The following DPYS variants were observed in gnomAD, a reference collection of about 807,000 sequenced individuals.
DPYS encodes the protein dihydropyrimidine amidohydrolase.
Under a neutral mutation model 50.3 loss-of-function variants are expected in DPYS, and 39 were observed. The ratio of observed to expected loss-of-function variants is 0.78; its 90% CI spans 0.60 to 1.01. The LOEUF is 1.01. Among genes scored for constraint, DPYS ranks in the 50% least tolerant of loss-of-function variants. The pLI is 0.00. For missense variants in DPYS, 659 were observed against 680.9 expected, an observed-to-expected ratio of 0.97 and a Z score of 0.36; for synonymous variants, 245 against 250.7, an observed-to-expected ratio of 0.98 and a Z score of 0.22.
intron 1 of DPYS, 125 bp downstream of exon 1, chr8:104,466,532 C>T: frequency 8.7e-7 from 1 of 1,146,120 alleles, no homozygotes; most frequent in Non-Finnish European, 1.2e-6. Context: ...TGCGCTCCTT[C>T]CCGCCCACCC....
intron 8 of DPYS, 32 bp from the exon 9 acceptor site, chr8:104,381,346 G>A: frequency 6.3e-7 from 1 of 1,599,516 alleles, no homozygotes; most frequent in East Asian, 2.2e-5. Context: ...CTCTCTTGTG[G>A]TTTATTTTCT....
chr8:104,412,705 T>C (rs1295783045), intron 7 of DPYS, among the ~76,000 whole-genome samples: 1 of 152,112 alleles, frequency 6.6e-6, no homozygotes, highest in African/African-American at 2.4e-5. Context: ...CACTGTCTGA[T>C]TGGTGGGCTT....
Position 104,444,372 on chromosome 8 carries a change from C to T in DPYS, c.669G>A (p.Glu223=), listed in dbSNP as rs769788615. 1 of 1,614,260 alleles carries T rather than the reference C, an allele frequency of 6.2e-7. No individual in the cohort carries two copies. The highest frequency in any genetic ancestry group is 1.1e-5 in the South Asian group (1 of 91,092). ...TCAGCGTGGCCTCTGCCTCCACTGC[C>T]TCTGGGCGGCACAGCTCGTGGCCCT... ...GPEGHELCRP[E]AVEAEATLRA... The change falls in exon 4 of 10, where the codon GAG becomes GAA. Residue 223 remains glutamate, a synonymous_variant. Coordinates refer to ENST00000351513, the MANE Select transcript of DPYS (RefSeq NM_001385.3).
At chr8:104,421,774 A>AAT (rs982814023) in intron 7 of DPYS, among the ~76,000 whole-genome samples, 1 of 150,510 alleles carries the variant, frequency 6.6e-6, no homozygotes, top group Non-Finnish European at 1.5e-5. Context: ...TTAAGCAGGT[A>AAT]ATATATATAG....
At chr8:104,388,157 T>C (rs1158321619) in intron 8 of DPYS, among the ~76,000 whole-genome samples, 4 of 152,224 alleles carry the variant, frequency 2.6e-5, no homozygotes, top group Non-Finnish European at 5.9e-5. Context: ...ATTTCAGAAA[T>C]GGAGAATACC....
intron 1 of DPYS, among the ~76,000 whole-genome samples, chr8:104,457,320 G>A (rs781531743): frequency 1.3e-5 from 2 of 152,174 alleles, no homozygotes; most frequent in African/African-American, 2.4e-5. Flanking sequence ...GAGGACTCAC[G>A]TCCCAGTCCC....
chr8:104,437,373 C>T (rs1015100963), intron 4 of DPYS, among the ~76,000 whole-genome samples: 5 of 152,170 alleles, frequency 3.3e-5, no homozygotes, highest in Admixed American at 6.5e-5. Context: ...GGCCAAAACC[C>T]ACCAAAACCA....
intron 7 of DPYS, chr8:104,411,964 G>A (rs1812197298): frequency 6.6e-6 from 1 of 152,156 alleles, no homozygotes; most frequent in African/African-American, 2.4e-5. Flanking sequence ...GTTAGACAAA[G>A]GAAATTAGGC....
chr8:104,418,438 A>G (rs1230089581), intron 7 of DPYS, among the ~76,000 whole-genome samples: 1 of 152,222 alleles, frequency 6.6e-6, no homozygotes, highest in Non-Finnish European at 1.5e-5. Context: ...AGAAGAAAAA[A>G]AAACCGTATA....
chr8:104,431,732 A>T (rs1812963179), intron 4 of DPYS, among the ~76,000 whole-genome samples: 1 of 152,156 alleles, frequency 6.6e-6, no homozygotes, highest in African/African-American at 2.4e-5. Flanking sequence ...ATCTCATTTG[A>T]CCTTCATAGC....
intron 1 of DPYS, among the ~76,000 whole-genome samples, chr8:104,463,140 T>C (rs1294197417): frequency 6.6e-6 from 1 of 152,238 alleles, no homozygotes; most frequent in Non-Finnish European, 1.5e-5. Context: ...AAACAGCTAT[T>C]GGTCTAAACT....
chr8:104,420,215 G>A (rs1036750910), intron 7 of DPYS: 2 of 152,154 alleles, frequency 1.3e-5, no homozygotes, highest in Admixed American at 1.3e-4. Flanking sequence ...AGCTATGGAT[G>A]ATTCATGGAC....
intron 8 of DPYS, among the ~76,000 whole-genome samples, chr8:104,386,113 A>G (rs920894978): frequency 2.0e-5 from 3 of 152,266 alleles, no homozygotes; most frequent in African/African-American, 4.8e-5. Flanking sequence ...GACAGAAATG[A>G]AAATTATATA....
intron 4 of DPYS, among the ~76,000 whole-genome samples, chr8:104,434,747 C>G (rs762199567): frequency 6.6e-6 from 1 of 152,140 alleles, no homozygotes. Flanking sequence ...ACCTAGCATG[C>G]GCTTGGCATC....
intron 8 of DPYS, among the ~76,000 whole-genome samples, chr8:104,388,270 G>T (rs1364574808): frequency 6.6e-6 from 1 of 152,102 alleles, no homozygotes; most frequent in African/African-American, 2.4e-5. Flanking sequence ...AGCTTTGGCA[G>T]CAGTATTCTG....
intron 1 of DPYS, among the ~76,000 whole-genome samples, chr8:104,456,968 C>G (rs1303288011): frequency 6.6e-6 from 1 of 152,084 alleles, no homozygotes; most frequent in South Asian, 2.1e-4. Context: ...AGGAGTTATC[C>G]CTTATCCAAG....
intron 8 of DPYS, among the ~76,000 whole-genome samples, chr8:104,386,234 T>C (rs1811208760): frequency 6.6e-6 from 1 of 152,182 alleles, no homozygotes; most frequent in Non-Finnish European, 1.5e-5. Context: ...AAGTTGATAG[T>C]AAATTTAATC....
intron 1 of DPYS, among the ~76,000 whole-genome samples, chr8:104,454,924 A>T (rs894424045): frequency 6.6e-6 from 1 of 152,164 alleles, no homozygotes; most frequent in African/African-American, 2.4e-5. Context: ...TTTGTGCACC[A>T]TGATGCTCTA....
intron 4 of DPYS, among the ~76,000 whole-genome samples, chr8:104,432,768 A>C (rs1812998213): frequency 6.6e-6 from 1 of 152,174 alleles, no homozygotes; most frequent in South Asian, 2.1e-4. Context: ...ATGGGATCAT[A>C]GTGTCCCTCT....
Sources: gnomAD v4.1 joint callset for allele counts (sites outside exome capture counted in the v4.1 genomes callset) on GRCh38, gnomAD v4.1.1 for gene constraint, MANE v1.5 for transcripts, NCBI Gene and HGNC (gene_info 2026-07-23, HGNC 2026-07-21) for gene names.